The following PRKAR1A variants were observed in gnomAD, a reference collection of about 807,000 sequenced individuals.
PRKAR1A encodes protein kinase cAMP-dependent type I regulatory subunit alpha.
PRKAR1A carries 3 observed loss-of-function variants against 52.0 expected under a neutral mutation model. The ratio of observed to expected loss-of-function variants is 0.06; its 90% CI spans 0.03 to 0.15. The LOEUF is 0.15. Ranked by LOEUF, PRKAR1A falls within the 10% of genes least tolerant of loss-of-function variation. The pLI, the probability that PRKAR1A is intolerant of heterozygous loss-of-function variation, is 1.00. For missense variants in PRKAR1A, 240 were observed against 477.4 expected (o/e 0.50, Z 4.63); for synonymous variants, 188 against 168.4 (o/e 1.12, Z -0.90).
In PRKAR1A at chr17:68,533,186, T is replaced by C. The variant is rs1026750743; in HGVS notation, c.*2737T>C. The C allele has an allele frequency of 6.7e-6, 7 of 1,050,314 alleles. No homozygotes were observed. Among genetic ancestry groups the C allele is most frequent in the Non-Finnish European group, 8.1e-6 (7 of 865,896 alleles). The allele number at this position is 1,050,314 out of a possible 1,614,324, so 65.1% of individuals were successfully genotyped here. A position where few individuals can be genotyped will look rare whatever the true frequency, so the allele number is the denominator to read the frequency against. The stretch of plus-strand genomic sequence containing the variant: ...TTTTATATTTTGCATATATAAAGCC[T>C]CATATATAAAGCCTTATTTCTGATG... On this transcript the variant is annotated 3_prime_UTR_variant, in exon 11 of 11. Transcript: ENST00000589228.
At chr17:68,547,633 G>C (rs1458943153) in intron 11 of PRKAR1A, among the ~76,000 whole-genome samples, 2 of 152,218 alleles carry the variant, frequency 1.3e-5, no homozygotes, top group Non-Finnish European at 2.9e-5. Flanking sequence ...TTCTTCTGCA[G>C]CTTTCTCACC....
rs1379265739 is a variant in PRKAR1A at position 68,530,894 on chromosome 17, A to G, written c.*445A>G. 5.3e-6 allele frequency: 6 copies of G among 1,126,140 alleles called. No homozygotes were observed. The highest frequency in any genetic ancestry group is 1.6e-5 in the African/African-American group (1 of 63,354). 69.8% of individuals were successfully genotyped at this position (1,126,140 alleles called of 1,614,324 possible). A position where few individuals can be genotyped will look rare whatever the true frequency, so the allele number is the denominator to read the frequency against. ...TGTAGAATAAATGGTTTCTCATTAA[A>G]CTCTAAAGATTAGGGAAAATGGATA... On this transcript the variant is annotated 3_prime_UTR_variant, in exon 11 of 11. Transcript: ENST00000589228.
chr17:68,444,442 A>G, the PRKAR1A span: 2 of 1,523,168 alleles, frequency 1.3e-6, no homozygotes, highest in Middle Eastern at 1.7e-4. Flanking sequence ...TTGGGAAAGA[A>G]GCACCAGGAC....
At chr17:68,480,639 C>T in the PRKAR1A span, among the ~76,000 whole-genome samples, 1 of 152,164 alleles carries the variant, frequency 6.6e-6, no homozygotes, top group South Asian at 2.1e-4. Context: ...CCTCAACCTC[C>T]TGGGCTCAAG....
chr17:68,489,247 ATATATATATATATGG>A, the PRKAR1A span, among the ~76,000 whole-genome samples: 1 of 45,634 alleles, frequency 2.2e-5, no homozygotes, highest in Non-Finnish European at 3.7e-5. Context: ...ATATATATAT[ATATATATATATATGG>A]AAAGTATATA....
the PRKAR1A span, among the ~76,000 whole-genome samples, chr17:68,436,993 CA>C: frequency 6.4e-3 from 804 of 124,712 alleles, 5 homozygotes; most frequent in African/African-American, 0.019. Flanking sequence ...GACCCCGTCT[CA>C]AAAAAAAAAA....
chr17:68,474,644 C>T, the PRKAR1A span, among the ~76,000 whole-genome samples: 1 of 152,094 alleles, frequency 6.6e-6, no homozygotes, highest in Non-Finnish European at 1.5e-5. Flanking sequence ...ACCTGTAATC[C>T]CAACACTTTG....
intron 11 of PRKAR1A, chr17:68,542,834 A>T (rs750102155): frequency 3.2e-6 from 5 of 1,553,074 alleles, no homozygotes; most frequent in Non-Finnish European, 4.4e-6. Flanking sequence ...GCTCTGTTCC[A>T]TCTGAGGGAT....
the PRKAR1A span, among the ~76,000 whole-genome samples, chr17:68,449,619 C>T: frequency 3.9e-5 from 6 of 152,142 alleles, no homozygotes; most frequent in Non-Finnish European, 7.3e-5. Context: ...GTAGTACCCC[C>T]CACCCGTCTC....
chr17:68,437,014 A>ATGTGTGTGTGTG, the PRKAR1A span, among the ~76,000 whole-genome samples: 15 of 82,144 alleles, frequency 1.8e-4, no homozygotes, highest in African/African-American at 3.6e-4. Flanking sequence ...AAATATATAT[A>ATGTGTGTGTGTG]TATGTGTGTG....
At chr17:68,439,704 G>C in the PRKAR1A span, among the ~76,000 whole-genome samples, 377 of 152,324 alleles carry the variant, frequency 2.5e-3, 8 homozygotes, top group East Asian at 0.066. Flanking sequence ...GAGATAGGCT[G>C]AGGACATGAG....
At position 68,532,356 on chromosome 17, in the gene PRKAR1A, C is replaced by T. The variant is rs999815930; in HGVS notation, c.*1907C>T. 15 of 1,055,640 alleles carry T rather than the reference C, an allele frequency of 1.4e-5. No individual in the cohort carries two copies. The highest frequency in any genetic ancestry group is 4.2e-4 in the Middle Eastern group (1 of 2,400). The allele number at this position is 1,055,640 out of a possible 1,614,324, so 65.4% of individuals were successfully genotyped here. On this transcript the variant is annotated 3_prime_UTR_variant, in exon 11 of 11. Transcript: ENST00000589228. ...AATCATGCTCATGTATATTTAGTTACGTATAATGCTTTCTGAGTGAGTTTT... is the reference window on the plus strand; with the variant it reads ...AATCATGCTCATGTATATTTAGTTATGTATAATGCTTTCTGAGTGAGTTTT...
chr17:68,425,912 C>T, the PRKAR1A span: 8 of 618,240 alleles, frequency 1.3e-5, no homozygotes, highest in East Asian at 1.9e-4. Flanking sequence ...GGATTCGAAG[C>T]ACACAGTACA....
chr17:68,492,282 G>A, the PRKAR1A span, among the ~76,000 whole-genome samples: 1 of 152,120 alleles, frequency 6.6e-6, no homozygotes, highest in Non-Finnish European at 1.5e-5. Context: ...ATTTGAAAAA[G>A]CAGAGGACAC....
At chr17:68,465,572 A>G in the PRKAR1A span, among the ~76,000 whole-genome samples, 1,492 of 149,662 alleles carry the variant, frequency 1.0e-2, 24 homozygotes, top group African/African-American at 0.034. Flanking sequence ...CTCTTGCCTC[A>G]ACCTCTGGAG....
At chr17:68,421,357 A>T in the PRKAR1A span, 51 of 166,818 alleles carry the variant, frequency 3.1e-4, 2 homozygotes, top group South Asian at 8.4e-3. Flanking sequence ...GCCACAGCCA[A>T]AAAAGACTTT....
chr17:68,445,196 A>AGGCCT, the PRKAR1A span, among the ~76,000 whole-genome samples: 758 of 152,264 alleles, frequency 5.0e-3, 5 homozygotes, highest in Admixed American at 8.2e-3. Flanking sequence ...CTGGGATGAT[A>AGGCCT]GGCCTGAGCC....
At chr17:68,450,710 A>G in the PRKAR1A span, 1 of 1,598,918 alleles carries the variant, frequency 6.3e-7, no homozygotes, top group Non-Finnish European at 8.5e-7. Context: ...TGAAACCCTG[A>G]GGGATTTCCC....
chr17:68,530,240 T>C, intron 10 of PRKAR1A, 37 bp from the exon 11 acceptor site: 1 of 1,610,500 alleles, frequency 6.2e-7, no homozygotes, highest in South Asian at 1.1e-5. Flanking sequence ...ATGTTTTTCA[T>C]AGAAGTTAGC....
Sources: allele counts gnomAD v4.1 joint callset (sites outside exome capture counted in the v4.1 genomes callset), GRCh38; gene constraint gnomAD v4.1.1; transcripts MANE v1.5; gene names NCBI Gene and HGNC (gene_info 2026-07-23, HGNC 2026-07-21).